The following THSD7A variants were observed in gnomAD, a reference collection of about 807,000 sequenced individuals.
THSD7A encodes the protein thrombospondin type-1 domain-containing protein 7A.
Under a neutral mutation model 231.3 loss-of-function variants are expected in THSD7A, and 96 were observed. The ratio of observed to expected loss-of-function variants is 0.41; its 90% confidence interval spans 0.35 to 0.49. THSD7A has a LOEUF of 0.49. Among genes scored for constraint, THSD7A ranks in the 20% least tolerant of loss-of-function variants. The pLI, the probability that THSD7A is intolerant of heterozygous loss-of-function variation, is 0.05. For missense variants in THSD7A, 2,290 were observed against 2,070.2 expected (o/e 1.11, Z -2.06); for synonymous variants, 940 against 743.3 (o/e 1.26, Z -4.30).
chr7:11,736,477 G>T (rs983233184), intron 1 of THSD7A, among the ~76,000 whole-genome samples: 18 of 148,208 alleles, frequency 1.2e-4, no homozygotes, highest in African/African-American at 4.7e-4. Context: ...GTGTGTGTGT[G>T]TGTGTGTAAA....
chr7:11,517,325 A>G (rs10279357), intron 6 of THSD7A, among the ~76,000 whole-genome samples: 147,142 of 151,336 alleles, frequency 0.97, 71,567 homozygotes, highest in East Asian at 1. Flanking sequence ...TGATCCGCCC[A>G]CCTCGGCCTC....
intron 2 of THSD7A, among the ~76,000 whole-genome samples, chr7:11,598,488 G>A (rs1780444431): frequency 6.6e-6 from 1 of 152,172 alleles, no homozygotes; most frequent in South Asian, 2.1e-4. Context: ...TGGAGGTTAT[G>A]GATGGGCTCA....
chr7:11,636,971 T>C lies in THSD7A; in HGVS notation c.191-10A>G. On this transcript the variant is annotated splice_polypyrimidine_tract_variant and intron_variant, in intron 1 of 27. Coordinates refer to ENST00000423059, the MANE Select transcript of THSD7A (RefSeq NM_015204.3). The surrounding 1 kb of genome is among the most constrained non-coding windows in gnomAD (Gnocchi z 10.0). Reference sequence around the variant, plus strand: ...CATCGGCCCCATGGACCTACAAAAATTATAACACAAAAATTAGCAGTGCTA... The same window carrying C: ...CATCGGCCCCATGGACCTACAAAAACTATAACACAAAAATTAGCAGTGCTA... The C allele has an allele frequency of 1.3e-6, 2 of 1,588,994 alleles. No individual in the cohort carries two copies. The highest frequency in any genetic ancestry group is 1.7e-6 in the Non-Finnish European group (2 of 1,170,504).
At chr7:11,395,342 A>G (rs1301515844) in intron 23 of THSD7A, among the ~76,000 whole-genome samples, 1 of 152,082 alleles carries the variant, frequency 6.6e-6, no homozygotes, top group Non-Finnish European at 1.5e-5. Flanking sequence ...GAGACCTACA[A>G]AGAGAGTTAG....
At chr7:11,734,378 T>C (rs1156331608) in intron 1 of THSD7A, among the ~76,000 whole-genome samples, 1 of 151,934 alleles carries the variant, frequency 6.6e-6, no homozygotes, top group Non-Finnish European at 1.5e-5. Context: ...AAATTAAATA[T>C]GTCCATAACC....
intron 4 of THSD7A, among the ~76,000 whole-genome samples, chr7:11,589,959 G>A (rs1780085392): frequency 1.3e-5 from 2 of 151,846 alleles, no homozygotes; most frequent in African/African-American, 4.8e-5. Context: ...AATGCCTTTG[G>A]GTTAAAGTTT....
At position 11,426,659 on chromosome 7, in the gene THSD7A, T is replaced by C. The variant is rs951014875; in HGVS notation, c.3249+7A>G. 3.1e-5 allele frequency: 49 copies of C among 1,559,248 alleles called. No individual in the cohort carries two copies. Among genetic ancestry groups the C allele is most frequent in the Non-Finnish European group, 4.0e-5 (46 of 1,159,032 alleles). On this transcript the variant is annotated splice_region_variant and intron_variant, in intron 15 of 27. Coordinates refer to ENST00000423059, the MANE Select transcript of THSD7A (RefSeq NM_015204.3). The stretch of plus-strand genomic sequence containing the variant: ...TATCAAAAAGCATGAGGTTTAAGAG[T>C]TCTTACCTGTGCCTGGAGTGGTGTT...
At chr7:11,737,033 T>A (rs1039777276) in intron 1 of THSD7A, among the ~76,000 whole-genome samples, 1 of 152,060 alleles carries the variant, frequency 6.6e-6, no homozygotes, top group African/African-American at 2.4e-5. Context: ...TTGCTTTCCC[T>A]TCTGCCATGA....
chr7:11,478,806 T>TA (rs1786305860), intron 7 of THSD7A, among the ~76,000 whole-genome samples: 1 of 152,132 alleles, frequency 6.6e-6, no homozygotes, highest in African/African-American at 2.4e-5. Flanking sequence ...TACACACTGA[T>TA]ACACAATAAG....
chr7:11,728,636 T>C (rs556007573), intron 1 of THSD7A, among the ~76,000 whole-genome samples: 17 of 152,092 alleles, frequency 1.1e-4, no homozygotes, highest in African/African-American at 3.4e-4. Flanking sequence ...ATTTGAATTA[T>C]GATTTGCATC....
intron 1 of THSD7A, among the ~76,000 whole-genome samples, chr7:11,650,833 G>GTTTT: frequency 6.7e-6 from 1 of 149,474 alleles, no homozygotes; most frequent in African/African-American, 2.5e-5. Flanking sequence ...GTTTTGTTTT[G>GTTTT]TTTTTTTCTA....
At chr7:11,593,817 A>G (rs1224161613) in intron 2 of THSD7A, among the ~76,000 whole-genome samples, 3 of 152,234 alleles carry the variant, frequency 2.0e-5, no homozygotes, top group Admixed American at 6.5e-5. Flanking sequence ...GTTTTAACTT[A>G]GAAAATGAGA....
Position 11,831,611 on chromosome 7 carries a change from T to G in THSD7A, c.190+146A>C, listed in dbSNP as rs1354293319. ...CTAATTGCATCGGACATGACCTATT[T>G]GCTTCCTAAGAAATCATACTTTTTA... is the stretch of plus-strand genomic sequence containing the variant. On this transcript the variant is annotated intron_variant, in intron 1 of 27. Transcript: ENST00000423059. The surrounding 1 kb of genome is among the most constrained non-coding windows in gnomAD (Gnocchi z 5.0). The G allele has an allele frequency of 8.8e-6, 4 of 452,624 alleles. No individual in the cohort carries two copies. Among genetic ancestry groups the G allele is most frequent in the Non-Finnish European group, 1.4e-5 (4 of 284,804 alleles). 28.0% of individuals were successfully genotyped at this position (452,624 alleles called of 1,614,324 possible).
chr7:11,635,984 A>G (rs936429816), intron 2 of THSD7A, 146 bp downstream of exon 2: 1 of 665,644 alleles, frequency 1.5e-6, no homozygotes. Context: ...AAACTCACAC[A>G]AGCTCAGAAG....
At chr7:11,572,067 T>C (rs1790659759) in intron 4 of THSD7A, among the ~76,000 whole-genome samples, 1 of 152,148 alleles carries the variant, frequency 6.6e-6, no homozygotes. Context: ...CACTATTCCA[T>C]TAATCACTGA....
intron 4 of THSD7A, among the ~76,000 whole-genome samples, chr7:11,561,274 G>A (rs1790066047): frequency 6.6e-6 from 1 of 152,036 alleles, no homozygotes; most frequent in East Asian, 1.9e-4. Flanking sequence ...TTTAATGAGG[G>A]TTGTTAATAT....
At chr7:11,763,397 A>G (rs1405315) in intron 1 of THSD7A, among the ~76,000 whole-genome samples, 64,311 of 151,958 alleles carry the variant, frequency 0.42, 13,740 homozygotes, top group Middle Eastern at 0.5. Context: ...TGCTCTCTTC[A>G]TTGTGTTTAC....
intron 4 of THSD7A, among the ~76,000 whole-genome samples, chr7:11,543,832 G>A (rs1456752976): frequency 6.6e-6 from 1 of 151,838 alleles, no homozygotes; most frequent in Non-Finnish European, 1.5e-5. Context: ...TTTTATGCCT[G>A]CAGTTTGGCT....
chr7:11,549,129 C>G (rs1789521038), intron 4 of THSD7A, among the ~76,000 whole-genome samples: 2 of 152,096 alleles, frequency 1.3e-5, no homozygotes, highest in Non-Finnish European at 2.9e-5. Context: ...ATGCAGCCAA[C>G]AAACATAACA....
Sources: allele counts gnomAD v4.1 joint callset (sites outside exome capture counted in the v4.1 genomes callset), GRCh38; gene constraint gnomAD v4.1.1; non-coding constraint Gnocchi (gnomAD v3.1); transcripts MANE v1.5; gene names NCBI Gene and HGNC (gene_info 2026-07-23, HGNC 2026-07-21).